The following SLC25A23 variants were observed in gnomAD, a reference collection of about 807,000 sequenced individuals.
SLC25A23 encodes mitochondrial adenyl nucleotide antiporter SLC25A23.
Under a neutral mutation model 53.9 loss-of-function variants are expected in SLC25A23, and 32 were observed. The ratio of observed to expected loss-of-function variants is 0.59; its 90% CI spans 0.45 to 0.80. The LOEUF is 0.80. Among genes scored for constraint, SLC25A23 ranks in the 30% least tolerant of loss-of-function variants. SLC25A23 has a pLI of 0.00. For missense variants in SLC25A23, 575 were observed against 651.4 expected (o/e 0.88, Z 1.28); for synonymous variants, 275 against 264.5 (o/e 1.04, Z -0.38).
Position 6,452,361 on chromosome 19 carries a change from T to C in SLC25A23, c.1022A>G (p.Asn341Ser), listed in dbSNP as rs1208124489. 2 of 1,613,602 alleles carry C rather than the reference T, an allele frequency of 1.2e-6. No individual in the cohort carries two copies. Among genetic ancestry groups the C allele is most frequent in the Non-Finnish European group, 1.7e-6 (2 of 1,179,876 alleles). ...PRAFYRGYLP[N>S]VLGIIPYAGI... ...CGCATAGGGGATGATGCCCAGCACG[T>C]TGGGGAGGTAGCCGCGGTAGAAGGC... The change falls in exon 8 of 10, where the codon AAC becomes AGC. Residue 341 changes from asparagine to serine, a missense_variant. Transcript: ENST00000301454.
intron 8 of SLC25A23, among the ~76,000 whole-genome samples, chr19:6,451,848 T>TTTTTTTGG: frequency 6.7e-6 from 1 of 150,262 alleles, no homozygotes; most frequent in Non-Finnish European, 1.5e-5. Context: ...TTTTTTTTTT[T>TTTTTTTGG]GAGAAGGAGT....
At position 6,454,891 on chromosome 19, in the gene SLC25A23, A is replaced by G. The variant is rs1040158351; in HGVS notation, c.484-174T>C. ...GGGTCCTACCAGGTGTCACCAAAGC[A>G]TCTAACCTAGCAGCCTCCTTAGAAG... On this transcript the variant is annotated intron_variant, in intron 4 of 9. Coordinates refer to ENST00000301454, the MANE Select transcript of SLC25A23 (RefSeq NM_024103.3). The surrounding 1 kb of genome is among the most constrained non-coding windows in gnomAD (Gnocchi z 4.3). 2.0e-5 allele frequency among the ~76,000 whole-genome samples: 3 copies of G among 152,134 alleles called. No homozygotes were observed. The highest frequency in any genetic ancestry group is 7.2e-5 in the African/African-American group (3 of 41,428).
rs2092730680 is a variant in SLC25A23, at chr19:6,459,483, C to T, written c.146G>A (p.Gly49Asp). Residue 49 changes from glycine to aspartate, a missense_variant, in exon 1 of 10, where the codon GGC (glycine) becomes GAC (aspartate). Gly to Asp is a moderately conservative substitution (Grantham distance 94). Coordinates refer to ENST00000301454, the MANE Select transcript of SLC25A23 (RefSeq NM_024103.3). The surrounding 1 kb of genome is among the most constrained non-coding windows in gnomAD (Gnocchi z 4.6). The part of the protein sequence containing the change: ...ARLGGGNPDP[G>D]AQQGISSEGD... Reference sequence around the variant, plus strand: ...TGGGGGTGGGGGTACCTGTTGGGCGCCGGGGTCTGGGTTGCCCCCGCCCAG... The same window carrying T: ...TGGGGGTGGGGGTACCTGTTGGGCGTCGGGGTCTGGGTTGCCCCCGCCCAG... 6.3e-7 allele frequency: 1 copy of T among 1,590,146 alleles called. No homozygotes were observed. The highest frequency in any genetic ancestry group is 1.3e-5 in the African/African-American group (1 of 74,118).
rs916561183 is a variant in SLC25A23 at position 6,458,074 on chromosome 19, AGTCATCGG to A, written c.283+116_283+123del. 29 of 1,280,502 alleles carry A rather than the reference AGTCATCGG, an allele frequency of 2.3e-5. No individual in the cohort carries two copies. The Middle Eastern group carries it at 8.3e-4, about 37-fold the overall frequency. The allele number at this position is 1,280,502 out of a possible 1,614,324, so 79.3% of individuals were successfully genotyped here. A position where few individuals can be genotyped will look rare whatever the true frequency, so the allele number is the denominator to read the frequency against. ...AGGAGTGCTCCTGAAATAGCCTATG[AGTCATCGG>A]GGAGAAGCGGCCCTCCCCCTCTCCT... is the stretch of plus-strand genomic sequence containing the variant. On this transcript the variant is annotated intron_variant, in intron 2 of 9. Transcript: ENST00000301454.
Position 6,454,084 on chromosome 19 carries a change from T to G in SLC25A23, c.800A>C (p.Lys267Thr). The G allele has an allele frequency of 6.2e-7, 1 of 1,612,452 alleles. No individual in the cohort carries two copies. The highest frequency in any genetic ancestry group is 8.5e-7 in the Non-Finnish European group (1 of 1,179,398). Reference protein sequence around the residue: ...AIKFMAYEQIKRAILGQQETL... With the variant: ...AIKFMAYEQITRAILGQQETL... ...CTCCTGCTGCCCCAGGATGGCCCTC[T>G]TGATCTGAGGCGGGGAGACACAGGG... The change falls in exon 7 of 10, where the codon AAG becomes ACG. Residue 267 changes from lysine to threonine, a missense_variant. Physicochemically the swap from Lys to Thr is moderately conservative, Grantham distance 78. Coordinates refer to ENST00000301454, the MANE Select transcript of SLC25A23 (RefSeq NM_024103.3). The surrounding 1 kb of genome is among the most constrained non-coding windows in gnomAD (Gnocchi z 4.3).
chr19:6,446,964 T>TG (rs2092514110), intron 8 of SLC25A23, among the ~76,000 whole-genome samples: 1 of 151,552 alleles, frequency 6.6e-6, no homozygotes, highest in Admixed American at 6.6e-5. Context: ...GAGATTTGAG[T>TG]GAATGTATCT....
chr19:6,458,390 T>C (rs2092713435), intron 1 of SLC25A23, 66 bp from the exon 2 acceptor site: 1 of 1,558,960 alleles, frequency 6.4e-7, no homozygotes, highest in Non-Finnish European at 8.7e-7. Context: ...GGGACGCATG[T>C]CACCTTATGC....
chr19:6,437,774 A>T (rs1599271575), downstream of SLC25A23, among the ~76,000 whole-genome samples: 1 of 144,122 alleles, frequency 6.9e-6, no homozygotes, highest in African/African-American at 2.6e-5. Context: ...GCGCCAGTGC[A>T]CTCCAGCCTA....
At chr19:6,439,399 T>TCTCTCTCTCA (rs1196510603), downstream of SLC25A23, among the ~76,000 whole-genome samples, 1 of 123,988 alleles carries the variant, frequency 8.1e-6, no homozygotes, top group African/African-American at 3.2e-5. Context: ...TCTCTCTCTC[T>TCTCTCTCTCA]CACACACACA....
At chr19:6,451,421 C>A (rs2092589291) in intron 8 of SLC25A23, among the ~76,000 whole-genome samples, 1 of 152,116 alleles carries the variant, frequency 6.6e-6, no homozygotes, top group Non-Finnish European at 1.5e-5. Context: ...AAAATAATTT[C>A]GAGACAGCAG....
rs1486244279 is a variant in SLC25A23, at chr19:6,444,259, C to T, written c.1114G>A (p.Ala372Thr). Residue 372 changes from alanine to threonine, a missense_variant, in exon 9 of 10, where the codon GCA (alanine) becomes ACA (threonine). Ala to Thr is a moderately conservative substitution (Grantham distance 58). Transcript: ENST00000301454. ...AGGAGCACGAGGATGCCTGGGTCTG[C>T]CGAGTCGTGGCTGTACTGCTGAAGC... Reference protein sequence around the residue: ...WWLQQYSHDSADPGILVLLAC... With the variant: ...WWLQQYSHDSTDPGILVLLAC... 1.2e-6 allele frequency: 2 copies of T among 1,607,438 alleles called. No homozygotes were observed. Among genetic ancestry groups the T allele is most frequent in the Non-Finnish European group, 8.5e-7 (1 of 1,177,732 alleles).
At chr19:6,445,256 G>A (rs570818954) in intron 8 of SLC25A23, among the ~76,000 whole-genome samples, 15 of 152,246 alleles carry the variant, frequency 9.9e-5, no homozygotes, top group African/African-American at 3.6e-4. Context: ...TTACAAGCGT[G>A]TGCCATCACG....
At chr19:6,437,584 C>G (rs1004561629), downstream of SLC25A23, among the ~76,000 whole-genome samples, 1 of 151,122 alleles carries the variant, frequency 6.6e-6, no homozygotes, top group South Asian at 2.1e-4. Context: ...CTGAGGCAGG[C>G]GGATCACGAG....
At chr19:6,458,366 C>T (rs773144629) in intron 1 of SLC25A23, 42 bp from the exon 2 acceptor site, 3 of 1,599,930 alleles carry the variant, frequency 1.9e-6, no homozygotes, top group South Asian at 2.2e-5. Flanking sequence ...CAGGAACCTG[C>T]TCCTGATCTG....
chr19:6,455,226 C>T (rs756343895), intron 4 of SLC25A23, among the ~76,000 whole-genome samples: 2 of 152,142 alleles, frequency 1.3e-5, no homozygotes, highest in South Asian at 4.1e-4. Context: ...GAGCTATGAT[C>T]ACACCACTGC....
chr19:6,448,161 T>C (rs2092533533), intron 8 of SLC25A23, among the ~76,000 whole-genome samples: 1 of 152,184 alleles, frequency 6.6e-6, no homozygotes, highest in Non-Finnish European at 1.5e-5. Context: ...CCTTCTTTGC[T>C]TTGCGGCTGG....
At chr19:6,457,223 C>T (rs886530412) in intron 3 of SLC25A23, among the ~76,000 whole-genome samples, 3 of 151,884 alleles carry the variant, frequency 2.0e-5, no homozygotes, top group African/African-American at 4.8e-5. Context: ...TGCACCACCA[C>T]GCCTGGCCAA....
intron 8 of SLC25A23, among the ~76,000 whole-genome samples, chr19:6,444,698 T>A (rs1003741752): frequency 3.9e-5 from 6 of 152,220 alleles, no homozygotes; most frequent in African/African-American, 1.2e-4. Flanking sequence ...GATGAAGTCT[T>A]GCTCTGTTGC....
At chr19:6,450,327 C>T (rs1468968065) in intron 8 of SLC25A23, among the ~76,000 whole-genome samples, 1 of 152,156 alleles carries the variant, frequency 6.6e-6, no homozygotes. Flanking sequence ...ATAATACGCC[C>T]AACCCATGGC....
Sources: gnomAD v4.1 joint callset for allele counts (sites outside exome capture counted in the v4.1 genomes callset) on GRCh38, gnomAD v4.1.1 for gene constraint, Gnocchi (gnomAD v3.1) non-coding constraint, MANE v1.5 for transcripts, NCBI Gene and HGNC (gene_info 2026-07-23, HGNC 2026-07-21) for gene names.